SUDS3: variants seen among roughly 807,000 people sequenced by gnomAD.
SUDS3 encodes sin3 histone deacetylase corepressor complex component SDS3.
SUDS3 carries 23 observed loss-of-function variants against 53.5 expected under a neutral mutation model. The observed-to-expected ratio is 0.43, with a 90% CI of 0.31 to 0.61. SUDS3 has a LOEUF of 0.61. Ranked by LOEUF, SUDS3 falls within the 20% of genes least tolerant of loss-of-function variation. SUDS3 has a pLI of 0.10. For synonymous variants in SUDS3, 150 were observed against 148.5 expected (o/e 1.01, Z -0.08); for missense variants, 291 against 405.9 (o/e 0.72, Z 2.43).
chr12:118,400,934 C>T (rs1873010195), intron 7 of SUDS3, among the ~76,000 whole-genome samples, 180 bp downstream of exon 7: 1 of 152,138 alleles, frequency 6.6e-6, no homozygotes, highest in Non-Finnish European at 1.5e-5. Flanking sequence ...CATGGTAGTC[C>T]TCATTTGCTA....
chr12:118,380,931 C>T (rs1218149802), intron 2 of SUDS3, among the ~76,000 whole-genome samples: 5 of 152,178 alleles, frequency 3.3e-5, no homozygotes, highest in African/African-American at 1.2e-4. Context: ...TCTCGAACTC[C>T]TGAGCTCGTG....
chr12:118,383,267 C>G (rs1200820999), intron 2 of SUDS3, among the ~76,000 whole-genome samples: 1 of 152,176 alleles, frequency 6.6e-6, no homozygotes, highest in East Asian at 1.9e-4. Flanking sequence ...GTTTTTATCA[C>G]TGTTAAATTG....
intron 6 of SUDS3, 89 bp from the exon 7 acceptor site, chr12:118,400,570 G>GC: frequency 1.6e-6 from 2 of 1,216,406 alleles, no homozygotes; most frequent in Non-Finnish European, 2.4e-6. Context: ...TGATTGGGTG[G>GC]CTGGGGGGCA....
chr12:118,385,111 T>TC (rs1013270189), intron 3 of SUDS3, among the ~76,000 whole-genome samples: 8 of 151,196 alleles, frequency 5.3e-5, no homozygotes, highest in Non-Finnish European at 7.4e-5. Flanking sequence ...TTTTTGCTTT[T>TC]CTTTTTTTTT....
intron 10 of SUDS3, among the ~76,000 whole-genome samples, chr12:118,409,125 G>A (rs563051425): frequency 1.3e-4 from 19 of 151,410 alleles, no homozygotes; most frequent in African/African-American, 4.6e-4. Context: ...AACCATTCTC[G>A]CTGTTCTAAT....
intron 1 of SUDS3, among the ~76,000 whole-genome samples, chr12:118,377,540 A>T (rs1357720010): frequency 7.6e-6 from 1 of 132,292 alleles, no homozygotes; most frequent in Non-Finnish European, 1.6e-5. Context: ...GGAAACAGGT[A>T]AGAGAGGGAG....
At chr12:118,382,664 G>GC (rs1334286827) in intron 2 of SUDS3, among the ~76,000 whole-genome samples, 22 of 141,394 alleles carry the variant, frequency 1.6e-4, no homozygotes, top group African/African-American at 5.6e-4. Flanking sequence ...AATGTGCCCA[G>GC]CCTTTTTTTT....
intron 6 of SUDS3, 49 bp from the exon 7 acceptor site, chr12:118,400,606 TACTG>T: frequency 1.3e-6 from 2 of 1,547,486 alleles, no homozygotes; most frequent in Non-Finnish European, 8.9e-7. Context: ...TAGAAATTCT[TACTG>T]ACTTCAAGTG....
chr12:118,384,558 C>T (rs960072339), intron 3 of SUDS3, among the ~76,000 whole-genome samples: 2 of 151,850 alleles, frequency 1.3e-5, no homozygotes, highest in Admixed American at 6.6e-5. Context: ...TGAGGCCAGG[C>T]GCGGTGGCTC....
chr12:118,415,367 G>A lies in SUDS3; in HGVS notation c.*934G>A, dbSNP rs1171707038. On this transcript the variant is annotated 3_prime_UTR_variant, in exon 12 of 12. Coordinates refer to ENST00000543473, the MANE Select transcript of SUDS3 (RefSeq NM_022491.3). ...CATGCACGATTCAAGTTTCACTCTT[G>A]TGGCTGATGCCATTATTGCACATTG... 3 of 152,122 alleles carry A rather than the reference G, an allele frequency of 2.0e-5. No individual in the cohort carries two copies. Among genetic ancestry groups the A allele is most frequent in the Non-Finnish European group, 4.4e-5 (3 of 68,036 alleles). The allele number at this position is 152,122 out of a possible 1,614,324, so 9.4% of individuals were successfully genotyped here.
intron 3 of SUDS3, among the ~76,000 whole-genome samples, chr12:118,385,541 G>A (rs925402206): frequency 2.6e-5 from 4 of 152,168 alleles, no homozygotes; most frequent in African/African-American, 9.7e-5. Context: ...TAACTGTTTT[G>A]TGGGAAGAGC....
chr12:118,386,267 C>G, intron 4 of SUDS3, 82 bp downstream of exon 4: 1 of 1,105,594 alleles, frequency 9.0e-7, no homozygotes, highest in Non-Finnish European at 1.3e-6. Context: ...GCCCTAAGAG[C>G]TATTCTCCAA....
chr12:118,413,137 T>C (rs1422713254), intron 11 of SUDS3, among the ~76,000 whole-genome samples: 1 of 152,238 alleles, frequency 6.6e-6, no homozygotes, highest in African/African-American at 2.4e-5. Context: ...TTTAAATTTT[T>C]AAGCCAGTGT....
chr12:118,377,919 A>C (rs543457429), intron 1 of SUDS3, among the ~76,000 whole-genome samples: 4 of 152,194 alleles, frequency 2.6e-5, no homozygotes, highest in African/African-American at 9.6e-5. Context: ...GAAGGAGGGG[A>C]GAAGGGTTTG....
chr12:118,376,680 G>A lies in SUDS3; in HGVS notation c.-12G>A, dbSNP rs1035597607. The stretch of plus-strand genomic sequence containing the variant: ...TGTCCGTGGGCCACGCTCAGCTGCG[G>A]TCAGAGGCGACATGAGTGCCGCGGG... On this transcript the variant is annotated 5_prime_UTR_variant, in exon 1 of 12. Transcript: ENST00000543473. 4.0e-6 allele frequency: 6 copies of A among 1,488,774 alleles called. No individual in the cohort carries two copies. In the African/African-American group the frequency reaches 5.8e-5, roughly 14 times the overall value. The allele number at this position is 1,488,774 out of a possible 1,614,324, so 92.2% of individuals were successfully genotyped here.
At chr12:118,376,893 T>C in intron 1 of SUDS3, 60 bp downstream of exon 1, 1 of 305,272 alleles carries the variant, frequency 3.3e-6, no homozygotes, top group Non-Finnish European at 4.7e-6. Flanking sequence ...GGGGAGGGGG[T>C]GGGGCTGTTC....
In SUDS3 at chr12:118,378,544, C is replaced by T. The variant is rs1463594143; in HGVS notation, c.143-1618C>T. On this transcript the variant is annotated intron_variant, in intron 1 of 11. Coordinates refer to ENST00000543473, the MANE Select transcript of SUDS3 (RefSeq NM_022491.3). The stretch of plus-strand genomic sequence containing the variant: ...TCACCCAGGCTGGTGTGCAGTGTCA[C>T]GATCTCAGCTCACTGCAACTTCCAT... 2.6e-5 allele frequency among the ~76,000 whole-genome samples: 4 copies of T among 151,194 alleles called. No homozygotes were observed. The East Asian group carries it at 5.9e-4, about 22-fold the overall frequency.
intron 10 of SUDS3, among the ~76,000 whole-genome samples, chr12:118,409,232 C>G (rs1334476707): frequency 6.6e-6 from 1 of 151,862 alleles, no homozygotes; most frequent in Non-Finnish European, 1.5e-5. Context: ...GCTGCAAGCT[C>G]CGCCTCCGGG....
At chr12:118,384,156 G>A in intron 3 of SUDS3, 89 bp downstream of exon 3, 1 of 1,371,016 alleles carries the variant, frequency 7.3e-7, no homozygotes, top group Non-Finnish European at 1.0e-6. Flanking sequence ...CTCTGTGGGA[G>A]TTATTTAAAA....
Sources: allele counts gnomAD v4.1 joint callset (sites outside exome capture counted in the v4.1 genomes callset), GRCh38; gene constraint gnomAD v4.1.1; transcripts MANE v1.5; gene names NCBI Gene and HGNC (gene_info 2026-07-23, HGNC 2026-07-21).